The following ACACA variants were observed in gnomAD, a reference collection of about 807,000 sequenced individuals.
ACACA encodes the protein acetyl-CoA carboxylase 1.
Under a neutral mutation model 296.1 loss-of-function variants are expected in ACACA, and 103 were observed. The ratio of observed to expected loss-of-function variants is 0.35; its 90% CI spans 0.30 to 0.41. The LOEUF is 0.41. Among genes scored for constraint, ACACA ranks in the 10% least tolerant of loss-of-function variants. The pLI is 1.00. For synonymous variants in ACACA, 953 were observed against 1,038.6 expected, an observed-to-expected ratio of 0.92 and a Z score of 1.58; for missense variants, 1,554 against 2,989.7, an observed-to-expected ratio of 0.52 and a Z score of 11.20.
intron 28 of ACACA, 80 bp from the exon 29 acceptor site, chr17:37,221,922 GAGGTATCTGAGGCAGA>G (rs1186112225): frequency 1.7e-6 from 2 of 1,203,200 alleles, no homozygotes; most frequent in East Asian, 4.7e-5. Context: ...GTCTTGAAAC[GAGGTATCTGAGGCAGA>G]AGGTGCTCTG....
chr17:37,374,403 C>T (rs2049919828), intron 1 of ACACA, among the ~76,000 whole-genome samples: 1 of 151,902 alleles, frequency 6.6e-6, no homozygotes, highest in Non-Finnish European at 1.5e-5. Context: ...TCTCCTACCT[C>T]AGCCTCCCAA....
At chr17:37,281,016 T>C (rs1598393117) in intron 5 of ACACA, among the ~76,000 whole-genome samples, 1 of 152,012 alleles carries the variant, frequency 6.6e-6, no homozygotes, top group Non-Finnish European at 1.5e-5. Flanking sequence ...TCTTACTCAT[T>C]CTTGGTTAGA....
intron 48 of ACACA, among the ~76,000 whole-genome samples, chr17:37,124,826 G>C (rs573338686): frequency 6.6e-6 from 1 of 152,312 alleles, no homozygotes; most frequent in South Asian, 2.1e-4. Context: ...GAGGCGTGCT[G>C]ACCTGCTGTA....
At chr17:37,271,241 C>T (rs757960898) in intron 9 of ACACA, among the ~76,000 whole-genome samples, 74 of 152,164 alleles carry the variant, frequency 4.9e-4, no homozygotes, top group Non-Finnish European at 7.4e-4. Flanking sequence ...TGGGTCCGGG[C>T]ACAGTGGCTA....
chr17:37,341,762 T>G (rs1485959356), intron 1 of ACACA, among the ~76,000 whole-genome samples: 1 of 151,346 alleles, frequency 6.6e-6, no homozygotes. Context: ...ATAACCTCAC[T>G]AGACAGCAAA....
chr17:37,284,951 G>A lies in ACACA; in HGVS notation c.358C>T (p.His120Tyr), dbSNP rs2082699777. ...LHIRSSMSGL[H>Y]LVKQGRDRKK... ...CTGTCTCGGCCCTGCTTTACTAGGT[G>A]CAAGCCAGACATGCTGGACCTATAA... Residue 120 changes from histidine to tyrosine, a missense_variant, in exon 4 of 56, where the codon CAC (histidine) becomes TAC (tyrosine). His to Tyr is a moderately conservative substitution (Grantham distance 83). Transcript: ENST00000616317. 3 of 1,614,086 alleles carry A rather than the reference G, an allele frequency of 1.9e-6. No individual in the cohort carries two copies. The South Asian group carries it at 3.3e-5, about 18-fold the overall frequency.
intron 3 of ACACA, among the ~76,000 whole-genome samples, chr17:37,307,947 G>GA (rs35944181): frequency 1.1e-4 from 16 of 147,678 alleles, no homozygotes; most frequent in East Asian, 3.9e-4. Context: ...ATAACAAGTA[G>GA]AAAAAAAAAA....
In ACACA at chr17:37,149,898, T is replaced by A. The variant is rs975457418; in HGVS notation, c.5645A>T (p.His1882Leu). The A allele has an allele frequency of 6.2e-7, 1 of 1,614,054 alleles. No individual in the cohort carries two copies. The highest frequency in any genetic ancestry group is 1.3e-5 in the African/African-American group (1 of 74,926). Residue 1882 changes from histidine to leucine, a missense_variant, in exon 45 of 56, where the codon CAC becomes CTC. This residue lies in a region of ACACA where 553 missense variants were observed against 1,043.6 expected (regional missense o/e 0.53). Transcript: ENST00000616317. ...GQRTIQVENS[H>L]LILTGAGALN... Reference sequence around the variant, plus strand: ...GGCTCCAGCTCCTGTTAGAATTAAGTGAGAATTCTCAACCTGGATGGTTCT... The same window carrying A: ...GGCTCCAGCTCCTGTTAGAATTAAGAGAGAATTCTCAACCTGGATGGTTCT...
At chr17:37,333,747 C>T (rs1278188867) in intron 2 of ACACA, among the ~76,000 whole-genome samples, 1 of 149,448 alleles carries the variant, frequency 6.7e-6, no homozygotes, top group African/African-American at 2.5e-5. Context: ...AGAAATAATC[C>T]CCTGCCTTAT....
At chr17:37,119,730 A>C (rs2074434223) in intron 50 of ACACA, among the ~76,000 whole-genome samples, 1 of 151,916 alleles carries the variant, frequency 6.6e-6, no homozygotes, top group Non-Finnish European at 1.5e-5. Context: ...CAAAAATTTC[A>C]AATCCCTCTT....
intron 45 of ACACA, among the ~76,000 whole-genome samples, chr17:37,145,375 C>T (rs548901090): frequency 2.0e-5 from 3 of 152,284 alleles, no homozygotes; most frequent in East Asian, 1.9e-4. Flanking sequence ...AGGTCTGCCA[C>T]GCAGTGAGGC....
chr17:37,209,707 C>T (rs564256415), intron 30 of ACACA, among the ~76,000 whole-genome samples: 1 of 152,162 alleles, frequency 6.6e-6, no homozygotes, highest in Non-Finnish European at 1.5e-5. Context: ...CCACGTGTAG[C>T]TGATTATCTG....
chr17:37,299,630 C>T (rs572250316), intron 3 of ACACA: 3 of 1,163,932 alleles, frequency 2.6e-6, no homozygotes, highest in Admixed American at 4.3e-5. Context: ...TGAGAGGAGC[C>T]GGGGAGAAAT....
At chr17:37,207,596 G>A in intron 31 of ACACA, 61 bp downstream of exon 31, 2 of 1,598,010 alleles carry the variant, frequency 1.3e-6, no homozygotes, top group South Asian at 2.2e-5. Context: ...AGAAAGATGA[G>A]ACCCCAAAAC....
At chr17:37,160,377 A>G (rs1022930653) in intron 42 of ACACA, among the ~76,000 whole-genome samples, 2 of 152,244 alleles carry the variant, frequency 1.3e-5, no homozygotes, top group African/African-American at 2.4e-5. Context: ...GTAAGGGCAC[A>G]ACGGATGCAG....
At chr17:37,247,346 A>G (rs2080759387) in intron 18 of ACACA, among the ~76,000 whole-genome samples, 1 of 151,118 alleles carries the variant, frequency 6.6e-6, no homozygotes, top group African/African-American at 2.4e-5. Flanking sequence ...TCATAACACC[A>G]TAACTGGTGT....
rs965898958 is a variant in ACACA, at chr17:37,258,447, T to G, written c.1501-74A>C. 1.3e-5 allele frequency: 19 copies of G among 1,446,044 alleles called. No homozygotes were observed. In the Admixed American group the frequency reaches 1.6e-4, roughly 12 times the overall value. 89.6% of individuals were successfully genotyped at this position (1,446,044 alleles called of 1,614,324 possible). ...AAAGTGTAGAGGCTATCAGATAACC[T>G]AAAATATTTTTATTTTTGGAGCCAC... On this transcript the variant is annotated intron_variant, in intron 12 of 55. Coordinates refer to ENST00000616317, the MANE Select transcript of ACACA (RefSeq NM_198834.3).
At chr17:37,369,210 C>T (rs1274038061) in intron 1 of ACACA, among the ~76,000 whole-genome samples, 1 of 152,122 alleles carries the variant, frequency 6.6e-6, no homozygotes, top group African/African-American at 2.4e-5. Context: ...ACAGGCAAAA[C>T]AGGCCAGGTA....
intron 3 of ACACA, among the ~76,000 whole-genome samples, chr17:37,295,221 A>T (rs2146788301): frequency 6.6e-6 from 1 of 152,334 alleles, no homozygotes. Flanking sequence ...CCGGCCAGAA[A>T]CCTGCAGTTG....
Sources: gnomAD v4.1 joint callset for allele counts (sites outside exome capture counted in the v4.1 genomes callset) on GRCh38, gnomAD v4.1.1 for gene constraint, gnomAD v4.1.1 regional missense constraint, MANE v1.5 for transcripts, NCBI Gene and HGNC (gene_info 2026-07-23, HGNC 2026-07-21) for gene names.